The following OTOGL variants were observed in gnomAD, a reference collection of about 807,000 sequenced individuals.
OTOGL encodes otogelin like.
OTOGL carries 285 observed loss-of-function variants against 318.5 expected under a neutral mutation model. That is an observed-to-expected ratio of 0.89 (90% CI 0.81 to 0.99). The LOEUF (loss-of-function observed/expected upper bound fraction) is 0.99. Among genes scored for constraint, OTOGL ranks in the 50% least tolerant of loss-of-function variants. OTOGL has a pLI of 0.00. For synonymous variants in OTOGL, 987 were observed against 936.5 expected, an observed-to-expected ratio of 1.05 and a Z score of -0.99; for missense variants, 2,899 against 2,845.6, an observed-to-expected ratio of 1.02 and a Z score of -0.43.
Position 80,356,885 on chromosome 12 carries a change from A to T in OTOGL, c.5990A>T (p.Glu1997Val). ...CAATTCATGATTCAAGTTCGACAGGAAGAACCTTGTTGTTTTTCCCCTTTT... is the reference window on the plus strand; with the variant it reads ...CAATTCATGATTCAAGTTCGACAGGTAGAACCTTGTTGTTTTTCCCCTTTT... ...EDQFMIQVRQEEPCCFSPFCV... is the reference protein window; with the variant it reads ...EDQFMIQVRQVEPCCFSPFCV... Residue 1997 changes from glutamate to valine, a missense_variant, in exon 49 of 59, where the codon GAA becomes GTA. By Grantham distance (121) the Glu-to-Val change is moderately radical. Transcript: ENST00000547103. 1 of 1,594,706 alleles carries T rather than the reference A, an allele frequency of 6.3e-7. No individual in the cohort carries two copies. Among genetic ancestry groups the T allele is most frequent in the East Asian group, 2.3e-5 (1 of 43,830 alleles).
chr12:80,337,310 TCAGA>T (rs1175044785), intron 42 of OTOGL, among the ~76,000 whole-genome samples: 2 of 151,618 alleles, frequency 1.3e-5, no homozygotes, highest in East Asian at 1.9e-4. Flanking sequence ...ACGTTCCAAA[TCAGA>T]CAGAGTGGAA....
intron 1 of OTOGL, among the ~76,000 whole-genome samples, chr12:80,175,943 G>A (rs935313148): frequency 1.3e-5 from 2 of 152,186 alleles, no homozygotes; most frequent in East Asian, 1.9e-4. Context: ...TGCACAGATA[G>A]GATTTTAAAC....
chr12:80,182,555 G>T lies in OTOGL; in HGVS notation c.-19-26858G>T, dbSNP rs568902632. Among the ~76,000 whole-genome samples, 492 of 152,292 alleles carry T rather than the reference G, an allele frequency of 3.2e-3. 5 individuals carry two copies. The highest frequency in any genetic ancestry group is 0.011 in the African/African-American group (470 of 41,556). Reference sequence around the variant, plus strand: ...CAATTGACATAGAGGTTGGTTGAAGGCATAAATGAGAATAGGTGGCTTTTC... The same window carrying T: ...CAATTGACATAGAGGTTGGTTGAAGTCATAAATGAGAATAGGTGGCTTTTC... On this transcript the variant is annotated intron_variant, in intron 1 of 58. Transcript: ENST00000547103.
chr12:80,234,451 G>T (rs1207171910), intron 9 of OTOGL, among the ~76,000 whole-genome samples: 1 of 152,136 alleles, frequency 6.6e-6, no homozygotes, highest in Non-Finnish European at 1.5e-5. Flanking sequence ...ATGGTGAAAG[G>T]ACTACTTAGA....
chr12:80,368,306 C>A lies in OTOGL; in HGVS notation c.6612C>A (p.Tyr2204Ter). 6.3e-7 allele frequency: 1 copy of A among 1,576,342 alleles called. No individual in the cohort carries two copies. The highest frequency in any genetic ancestry group is 8.7e-7 in the Non-Finnish European group (1 of 1,155,302). Reference sequence around the variant, plus strand: ...TGGAAAATGGAACATCAGTTGTATACGCGGTATGTTTCATGGAGAGTAATG... The same window carrying A: ...TGGAAAATGGAACATCAGTTGTATAAGCGGTATGTTTCATGGAGAGTAATG... The part of the protein sequence containing the change: ...FHMENGTSVV[Y>*]AVGSTWHYNC... Residue 2204 changes from tyrosine to a stop codon, truncating the protein, a stop_gained, in exon 55 of 59, where the codon TAC becomes TAA. Transcript: ENST00000547103. LOFTEE classifies it high-confidence loss of function.
rs7136725 is a variant in OTOGL, at chr12:80,323,149, T to C, written c.4082-574T>C. Among the ~76,000 whole-genome samples, 254 of 35,960 alleles carry C rather than the reference T, an allele frequency of 7.1e-3. 12 individuals are homozygous for C. The highest frequency in any genetic ancestry group is 0.024 in the East Asian group (9 of 376). The allele number at this position is 35,960 out of a possible 152,430, so 23.6% of individuals were successfully genotyped here. ...ACACACACACACACACACACACACATATATAAAATATTTTGAATTTTCCTC... is the reference window on the plus strand; with the variant it reads ...ACACACACACACACACACACACACACATATAAAATATTTTGAATTTTCCTC... On this transcript the variant is annotated intron_variant, in intron 34 of 58. Transcript: ENST00000547103.
intron 1 of OTOGL, among the ~76,000 whole-genome samples, chr12:80,201,285 T>C (rs565152332): frequency 1.3e-5 from 2 of 152,304 alleles, no homozygotes; most frequent in East Asian, 3.9e-4. Context: ...TATTTCGCTC[T>C]TGGTTTTTCA....
Position 80,222,227 on chromosome 12 carries a change from G to A in OTOGL, c.471G>A (p.Glu157=), listed in dbSNP as rs1878417227. The A allele has an allele frequency of 6.3e-7, 1 of 1,596,744 alleles. No homozygotes were observed. The highest frequency in any genetic ancestry group is 8.5e-7 in the Non-Finnish European group (1 of 1,177,520). The part of the protein sequence containing the change: ...YIFAKDCGDL[E]PRYTVWVHNS... Reference sequence around the variant, plus strand: ...TTGCAAAGGACTGTGGTGATTTGGAGCCTCGGTACACTGTATGGGTAGGTG... The same window carrying A: ...TTGCAAAGGACTGTGGTGATTTGGAACCTCGGTACACTGTATGGGTAGGTG... Residue 157 remains glutamate (E), a synonymous_variant, in exon 7 of 59, where the codon GAG becomes GAA. Transcript: ENST00000547103.
At chr12:80,162,820 G>GTT (rs1179705889) in intron 1 of OTOGL, among the ~76,000 whole-genome samples, 10 of 151,766 alleles carry the variant, frequency 6.6e-5, no homozygotes, top group African/African-American at 2.2e-4. Context: ...TCCAATATGG[G>GTT]TTTTTTCTTG....
intron 44 of OTOGL, chr12:80,343,791 C>T (rs1888992672): frequency 6.6e-6 from 1 of 151,960 alleles, no homozygotes. Flanking sequence ...TCTCTCACAT[C>T]GGTTTTTCTG....
In OTOGL at chr12:80,252,202, G is replaced by GT; in HGVS notation, c.1285+2dup. The GT allele has an allele frequency of 6.3e-7, 1 of 1,597,818 alleles. No individual in the cohort carries two copies. Among genetic ancestry groups the GT allele is most frequent in the African/African-American group, 1.3e-5 (1 of 74,746 alleles). On this transcript the variant is annotated splice_donor_variant, in intron 13 of 58. Coordinates refer to ENST00000547103, the MANE Select transcript of OTOGL (RefSeq NM_001378609.3). LOFTEE classifies it high-confidence loss of function. ...CTTGATGGATGTTACTGCCCAGATG[G>GT]TAAGTGCTTCATGAAGAAACCATGT...
At chr12:80,362,199 G>A (rs746249819) in intron 52 of OTOGL, among the ~76,000 whole-genome samples, 6 of 152,116 alleles carry the variant, frequency 3.9e-5, no homozygotes, top group Admixed American at 6.5e-5. Context: ...GTCTGCATGC[G>A]GAAATGCAAT....
chr12:80,163,096 T>A (rs1475644022), intron 1 of OTOGL, among the ~76,000 whole-genome samples: 2 of 152,094 alleles, frequency 1.3e-5, no homozygotes, highest in Middle Eastern at 3.4e-3. Flanking sequence ...AATAACTTTT[T>A]AAAAAAAATT....
chr12:80,376,984 A>G lies in OTOGL; in HGVS notation c.6782-139A>G, dbSNP rs10862101. On this transcript the variant is annotated intron_variant, in intron 57 of 58. Coordinates refer to ENST00000547103, the MANE Select transcript of OTOGL (RefSeq NM_001378609.3). ...ATTGCACATAAAAATGTAAGAGAGA[A>G]GTTTTAAATATCTTTCAATACTGGA... The G allele has an allele frequency of 0.78, 390,084 of 497,692 alleles. 156,521 individuals carry two copies. Among genetic ancestry groups the G allele is most frequent in the Non-Finnish European group, 0.84 (246,155 of 292,534 alleles). The allele number at this position is 497,692 out of a possible 1,614,324, so 30.8% of individuals were successfully genotyped here.
intron 32 of OTOGL, among the ~76,000 whole-genome samples, chr12:80,317,756 G>A (rs1887063790): frequency 6.6e-6 from 1 of 152,114 alleles, no homozygotes; most frequent in Admixed American, 6.6e-5. Flanking sequence ...TGGTCCTCCT[G>A]TATTTTGGCT....
intron 1 of OTOGL, among the ~76,000 whole-genome samples, chr12:80,145,489 T>C (rs1592491850): frequency 1.3e-5 from 2 of 151,902 alleles, no homozygotes; most frequent in South Asian, 2.1e-4. Context: ...AGTCAGGTAG[T>C]GTGATGCCTC....
At chr12:80,297,610 G>C (rs999663496) in intron 27 of OTOGL, among the ~76,000 whole-genome samples, 1 of 152,146 alleles carries the variant, frequency 6.6e-6, no homozygotes, top group African/African-American at 2.4e-5. Flanking sequence ...TGGGATTACA[G>C]GCATGAGCCA....
At chr12:80,316,615 CTGTT>C (rs1008443246) in intron 32 of OTOGL, among the ~76,000 whole-genome samples, 5 of 152,116 alleles carry the variant, frequency 3.3e-5, no homozygotes, top group African/African-American at 1.2e-4. Context: ...TTGTGAGACA[CTGTT>C]TGGCTCCATG....
intron 21 of OTOGL, 147 bp downstream of exon 21, chr12:80,266,763 C>A: frequency 2.4e-6 from 2 of 828,594 alleles, no homozygotes; most frequent in Non-Finnish European, 1.8e-6. Flanking sequence ...TGTTCATCAA[C>A]AGTTACAGAA....
Sources: allele counts gnomAD v4.1 joint callset (sites outside exome capture counted in the v4.1 genomes callset), GRCh38; gene constraint gnomAD v4.1.1; transcripts MANE v1.5; gene names NCBI Gene and HGNC (gene_info 2026-07-23, HGNC 2026-07-21).